Variants in CRACDL observed in about 807,000 individuals in gnomAD.
The protein encoded by CRACDL is CRACD like.
CRACDL carries 26 observed loss-of-function variants against 70.6 expected under a neutral mutation model. The ratio of observed to expected loss-of-function variants is 0.37; its 90% CI spans 0.27 to 0.51. The LOEUF (loss-of-function observed/expected upper bound fraction) is 0.51, where lower values mean the gene tolerates loss of function less well. CRACDL is among the 20% of genes least tolerant of loss of function. The pLI is 0.94. For missense variants in CRACDL, 1,283 were observed against 1,376.9 expected (o/e 0.93, Z 1.08); for synonymous variants, 618 against 615.2 (o/e 1.00, Z -0.07).
chr2:98,933,922 G>A (rs1365949816), intron 1 of CRACDL, among the ~76,000 whole-genome samples: 7 of 152,160 alleles, frequency 4.6e-5, no homozygotes, highest in Admixed American at 3.3e-4. Flanking sequence ...TGGCAGGTTG[G>A]GTGTCTGGTG....
chr2:98,798,459 A>AT (rs1703933737), intron 7 of CRACDL, among the ~76,000 whole-genome samples: 1 of 149,666 alleles, frequency 6.7e-6, no homozygotes, highest in African/African-American at 2.4e-5. Flanking sequence ...AAAAAAAAAA[A>AT]AAAAAAAAAA....
intron 7 of CRACDL, among the ~76,000 whole-genome samples, chr2:98,812,315 C>T (rs931739392): frequency 3.2e-4 from 49 of 152,110 alleles, no homozygotes; most frequent in African/African-American, 1.1e-3. Context: ...TAGACATGAA[C>T]GTATGACTTT....
chr2:98,853,894 C>T (rs138068126), intron 1 of CRACDL, among the ~76,000 whole-genome samples: 9 of 152,090 alleles, frequency 5.9e-5, no homozygotes, highest in African/African-American at 1.7e-4. Context: ...TTAGCTAAAA[C>T]GCTAAAATAA....
At chr2:98,867,748 C>T (rs547081896) in intron 1 of CRACDL, among the ~76,000 whole-genome samples, 4 of 152,354 alleles carry the variant, frequency 2.6e-5, no homozygotes, top group African/African-American at 7.2e-5. Context: ...CTCGTGCTGA[C>T]TGCTGCACAC....
chr2:98,905,372 C>A (rs1332881014), intron 1 of CRACDL, among the ~76,000 whole-genome samples: 2 of 152,096 alleles, frequency 1.3e-5, no homozygotes, highest in Non-Finnish European at 2.9e-5. Flanking sequence ...GAGGCCCTCA[C>A]CAGAAGCAGA....
intron 1 of CRACDL, among the ~76,000 whole-genome samples, chr2:98,887,469 C>T (rs1020226967): frequency 6.6e-6 from 1 of 150,806 alleles, no homozygotes; most frequent in Non-Finnish European, 1.5e-5. Context: ...GCCGGGGTGA[C>T]AAAGAAAAAA....
chr2:98,929,676 C>T (rs1346400212), intron 1 of CRACDL, among the ~76,000 whole-genome samples: 5 of 152,112 alleles, frequency 3.3e-5, no homozygotes, highest in Non-Finnish European at 5.9e-5. Context: ...AAAACTATGC[C>T]CAATCTCAAA....
Position 98,846,716 on chromosome 2 carries a change from G to T in CRACDL, c.70+15C>A. ...AGCAAGTGCCCTCCCCAGAGCAGGG[G>T]AAGCAGGGCCTTACCTGTGCTGTCC... On this transcript the variant is annotated intron_variant, in intron 2 of 9. Transcript: ENST00000397899. 2 of 1,611,718 alleles carry T rather than the reference G, an allele frequency of 1.2e-6. No individual in the cohort carries two copies. Among genetic ancestry groups the T allele is most frequent in the Non-Finnish European group, 1.7e-6 (2 of 1,177,798 alleles).
intron 1 of CRACDL, among the ~76,000 whole-genome samples, chr2:98,903,951 T>C (rs981918997): frequency 1.3e-5 from 2 of 152,202 alleles, no homozygotes; most frequent in African/African-American, 4.8e-5. Context: ...TTGTCTGATC[T>C]CTGGCATGTC....
chr2:98,916,843 C>T (rs773976965), intron 1 of CRACDL, among the ~76,000 whole-genome samples: 1 of 152,188 alleles, frequency 6.6e-6, no homozygotes, highest in Non-Finnish European at 1.5e-5. Context: ...CTGCCTGTTG[C>T]CCTGAGCAAG....
In CRACDL at chr2:98,802,998, C is replaced by CTT. The variant is rs34784675; in HGVS notation, c.2417-5463_2417-5462dup. Among the ~76,000 whole-genome samples the CTT allele has an allele frequency of 1.0e-3, 128 of 128,204 alleles. 3 individuals carry two copies. Among genetic ancestry groups the CTT allele is most frequent in the African/African-American group, 2.5e-3 (85 of 34,052 alleles). The allele number at this position is 128,204 out of a possible 152,430, so 84.1% of individuals were successfully genotyped here. On this transcript the variant is annotated intron_variant, in intron 7 of 9. Coordinates refer to ENST00000397899, the MANE Select transcript of CRACDL (RefSeq NM_207362.3). Reference sequence around the variant, plus strand: ...TTATGGGTGTGAGCCACATGCCTGGCTTTTTTTTTTTTTTTTTTTGAGATG... The same window carrying CTT: ...TTATGGGTGTGAGCCACATGCCTGGCTTTTTTTTTTTTTTTTTTTTTGAGATG...
chr2:98,801,933 G>A (rs1704094829), intron 7 of CRACDL, among the ~76,000 whole-genome samples: 1 of 152,264 alleles, frequency 6.6e-6, no homozygotes, highest in Admixed American at 6.5e-5. Flanking sequence ...TTACCCTGGA[G>A]CTTGATGGAG....
intron 1 of CRACDL, among the ~76,000 whole-genome samples, chr2:98,926,668 A>G (rs2104701717): frequency 6.6e-6 from 1 of 152,348 alleles, no homozygotes; most frequent in Middle Eastern, 3.4e-3. Context: ...AACTCTACAG[A>G]CACCTGAATT....
chr2:98,852,312 G>T (rs761388687), intron 1 of CRACDL, among the ~76,000 whole-genome samples: 31 of 152,164 alleles, frequency 2.0e-4, no homozygotes, highest in Admixed American at 3.9e-4. Flanking sequence ...TTTTTCTACT[G>T]CTCACTGCAG....
At chr2:98,870,482 G>GTGCAATTAGAGTC (rs11275239) in intron 1 of CRACDL, among the ~76,000 whole-genome samples, 76,817 of 151,918 alleles carry the variant, frequency 0.51, 20,409 homozygotes, top group African/African-American at 0.65. Context: ...TTTGCCCTTT[G>GTGCAATTAGAGTC]TGCAGCCCAC....
chr2:98,921,380 A>G (rs1037598630), intron 1 of CRACDL, among the ~76,000 whole-genome samples: 1 of 152,238 alleles, frequency 6.6e-6, no homozygotes. Flanking sequence ...GAATAATACA[A>G]TGCAGACAGG....
chr2:98,906,127 A>G (rs1394566518), intron 1 of CRACDL, among the ~76,000 whole-genome samples: 1 of 151,848 alleles, frequency 6.6e-6, no homozygotes, highest in Non-Finnish European at 1.5e-5. Context: ...ATTTCTTTTC[A>G]GTGTTTCGTC....
In CRACDL at chr2:98,816,610, A is replaced by C. The variant is rs150439798; in HGVS notation, c.2416+5247T>G. 3.9e-3 allele frequency among the ~76,000 whole-genome samples: 589 copies of C among 152,278 alleles called. 4 individuals are homozygous for C. Among genetic ancestry groups the C allele is most frequent in the African/African-American group, 0.014 (572 of 41,540 alleles). Reference sequence around the variant, plus strand: ...AGAAGTCAAGGGAAGCAAGAACTCCAGGAAACAGGTGGGAATCTGTGATGT... The same window carrying C: ...AGAAGTCAAGGGAAGCAAGAACTCCCGGAAACAGGTGGGAATCTGTGATGT... On this transcript the variant is annotated intron_variant, in intron 7 of 9. Coordinates refer to ENST00000397899, the MANE Select transcript of CRACDL (RefSeq NM_207362.3).
intron 1 of CRACDL, among the ~76,000 whole-genome samples, chr2:98,893,536 G>A (rs887283550): frequency 1.3e-5 from 2 of 151,936 alleles, no homozygotes; most frequent in Non-Finnish European, 1.5e-5. Context: ...TGCCCTCCTC[G>A]GCCTCCCAAA....
Sources: gnomAD v4.1 joint callset for allele counts (sites outside exome capture counted in the v4.1 genomes callset) on GRCh38, gnomAD v4.1.1 for gene constraint, MANE v1.5 for transcripts, NCBI Gene and HGNC (gene_info 2026-07-23, HGNC 2026-07-21) for gene names.